Variants in SEMA5A observed in about 807,000 individuals in gnomAD.
SEMA5A encodes the protein semaphorin-5A.
A neutral mutation model predicts 135.5 loss-of-function variants in SEMA5A; 55 were observed. That is an observed-to-expected ratio of 0.41 (90% CI 0.33 to 0.51). The LOEUF is 0.51. Ranked by LOEUF, SEMA5A falls within the 20% of genes least tolerant of loss-of-function variation. The pLI is 0.37. For synonymous variants in SEMA5A, 580 were observed against 546.5 expected (o/e 1.06, Z -0.85); for missense variants, 1,290 against 1,419.9 (o/e 0.91, Z 1.47).
intron 5 of SEMA5A, among the ~76,000 whole-genome samples, chr5:9,293,190 GTC>G (rs55994381): frequency 1.3e-4 from 19 of 150,654 alleles, no homozygotes; most frequent in African/African-American, 3.4e-4. Flanking sequence ...GAGCTCTCAG[GTC>G]TCTCTCTCTC....
At chr5:9,135,528 T>G (rs534127595) in intron 13 of SEMA5A, among the ~76,000 whole-genome samples, 1 of 152,012 alleles carries the variant, frequency 6.6e-6, no homozygotes, top group African/African-American at 2.4e-5. Context: ...GAATATGTGG[T>G]TGAGATAACA....
chr5:9,456,576 T>C (rs1312339956), intron 1 of SEMA5A, among the ~76,000 whole-genome samples: 1 of 152,066 alleles, frequency 6.6e-6, no homozygotes, highest in Non-Finnish European at 1.5e-5. Flanking sequence ...GGCCTCAGAC[T>C]CCCGTCCCTT....
intron 5 of SEMA5A, among the ~76,000 whole-genome samples, chr5:9,298,870 T>A (rs954415969): frequency 1.3e-5 from 2 of 152,318 alleles, no homozygotes; most frequent in Admixed American, 6.5e-5. Context: ...GATTTTGAAA[T>A]ACCATTATCA....
chr5:9,244,783 G>C (rs778475501), intron 5 of SEMA5A, among the ~76,000 whole-genome samples: 2 of 152,204 alleles, frequency 1.3e-5, no homozygotes, highest in Non-Finnish European at 2.9e-5. Flanking sequence ...GGCACATGAG[G>C]CTTGGCAGCC....
intron 10 of SEMA5A, among the ~76,000 whole-genome samples, chr5:9,193,943 C>T (rs1464998884): frequency 6.6e-6 from 1 of 152,126 alleles, no homozygotes; most frequent in Non-Finnish European, 1.5e-5. Flanking sequence ...ATCAAAGGGT[C>T]CTGATGGACA....
At chr5:9,141,642 G>A (rs1222271643) in intron 12 of SEMA5A, among the ~76,000 whole-genome samples, 3 of 151,996 alleles carry the variant, frequency 2.0e-5, no homozygotes, top group Admixed American at 2.0e-4. Flanking sequence ...CTAAAAAGCA[G>A]GATAAATGTC....
chr5:9,064,591 C>T (rs1737361465), intron 17 of SEMA5A, among the ~76,000 whole-genome samples: 1 of 152,026 alleles, frequency 6.6e-6, no homozygotes, highest in Admixed American at 6.6e-5. Flanking sequence ...GGGAATTGAA[C>T]AATGAGAACA....
intron 1 of SEMA5A, among the ~76,000 whole-genome samples, chr5:9,538,324 T>C (rs1737891765): frequency 6.6e-6 from 1 of 152,180 alleles, no homozygotes; most frequent in South Asian, 2.1e-4. Context: ...ACTCAGGCTC[T>C]GGGCATTTAA....
intron 13 of SEMA5A, among the ~76,000 whole-genome samples, chr5:9,125,497 C>T (rs536632992): frequency 2.0e-5 from 3 of 152,288 alleles, no homozygotes; most frequent in East Asian, 3.9e-4. Context: ...CTCCCCCTCA[C>T]AACCCACCCT....
At chr5:9,423,512 A>C (rs2126636861) in intron 2 of SEMA5A, among the ~76,000 whole-genome samples, 1 of 152,368 alleles carries the variant, frequency 6.6e-6, no homozygotes, top group South Asian at 2.1e-4. Context: ...TTACAGCAGA[A>C]TACTTCTGCC....
chr5:9,492,373 G>A (rs533808040), intron 1 of SEMA5A, among the ~76,000 whole-genome samples: 3 of 152,286 alleles, frequency 2.0e-5, no homozygotes, highest in Admixed American at 6.5e-5. Flanking sequence ...GAAAGCTAAT[G>A]CAGGGATTCC....
chr5:9,536,074 C>T (rs1445649061), intron 1 of SEMA5A, among the ~76,000 whole-genome samples: 1 of 152,176 alleles, frequency 6.6e-6, no homozygotes, highest in Non-Finnish European at 1.5e-5. Flanking sequence ...TGGCCAGATG[C>T]TTACAGACAC....
At chr5:9,223,655 T>A (rs930163023) in intron 8 of SEMA5A, among the ~76,000 whole-genome samples, 49 of 152,220 alleles carry the variant, frequency 3.2e-4, no homozygotes, top group African/African-American at 1.2e-3. Flanking sequence ...AGCAAAAGTC[T>A]ACTAACTCTC....
rs1735743138 is a variant in SEMA5A, at chr5:9,037,939, G to A, written c.*4958C>T. 6.6e-6 allele frequency: 1 copy of A among 152,096 alleles called. No individual in the cohort carries two copies. Among genetic ancestry groups the A allele is most frequent in the Non-Finnish European group, 1.5e-5 (1 of 68,028 alleles). The allele number at this position is 152,096 out of a possible 1,614,324, so 9.4% of individuals were successfully genotyped here. On this transcript the variant is annotated 3_prime_UTR_variant, in exon 23 of 23. Transcript: ENST00000382496. ...GGCATTCCCTTTTATGCGTTTCTTA[G>A]GTCAAAGTGAACATTTCTCTATGTT...
intron 1 of SEMA5A, among the ~76,000 whole-genome samples, chr5:9,526,497 G>A (rs1457071757): frequency 2.6e-5 from 4 of 152,154 alleles, no homozygotes; most frequent in Admixed American, 6.5e-5. Flanking sequence ...AAAGACTTCA[G>A]CTTGCAAAGT....
intron 11 of SEMA5A, among the ~76,000 whole-genome samples, chr5:9,161,811 T>G (rs1743272335): frequency 6.6e-6 from 1 of 152,244 alleles, no homozygotes; most frequent in East Asian, 1.9e-4. Flanking sequence ...GGTCCTTCTC[T>G]ATAAGTGTTT....
chr5:9,314,187 G>A (rs1421742709), intron 5 of SEMA5A, among the ~76,000 whole-genome samples: 1 of 152,030 alleles, frequency 6.6e-6, no homozygotes, highest in African/African-American at 2.4e-5. Context: ...CATGATTTGT[G>A]GTAGAAAACC....
chr5:9,244,820 C>T (rs1433399515), intron 5 of SEMA5A, among the ~76,000 whole-genome samples: 3 of 152,200 alleles, frequency 2.0e-5, no homozygotes, highest in South Asian at 2.1e-4. Context: ...GAGCCTACCA[C>T]GTGTTGCACC....
At chr5:9,403,605 T>G (rs1435110627) in intron 2 of SEMA5A, among the ~76,000 whole-genome samples, 1 of 152,172 alleles carries the variant, frequency 6.6e-6, no homozygotes, top group African/African-American at 2.4e-5. Flanking sequence ...CTGACTAGCA[T>G]ACAATGATTA....
Sources: allele counts gnomAD v4.1 joint callset (sites outside exome capture counted in the v4.1 genomes callset), GRCh38; gene constraint gnomAD v4.1.1; transcripts MANE v1.5; gene names NCBI Gene and HGNC (gene_info 2026-07-23, HGNC 2026-07-21).